Variants in NUP188 observed in about 807,000 individuals in gnomAD.
The protein encoded by NUP188 is nucleoporin 188.
Under a neutral mutation model 223.0 loss-of-function variants are expected in NUP188, and 97 were observed. That is an observed-to-expected ratio of 0.43 (90% CI 0.37 to 0.51). The LOEUF is 0.51. NUP188 is among the 20% of genes least tolerant of loss of function. The pLI is 0.00. For missense variants in NUP188, 1,947 were observed against 2,175.6 expected (o/e 0.89, Z 2.09); for synonymous variants, 869 against 828.0 (o/e 1.05, Z -0.85).
chr9:128,995,566 T>G (rs767868108), intron 30 of NUP188, 52 bp downstream of exon 30: 5 of 1,449,558 alleles, frequency 3.4e-6, no homozygotes, highest in Non-Finnish European at 4.7e-6. Flanking sequence ...CAATGATGTG[T>G]TGACATGAGC....
chr9:128,958,951 T>C, intron 7 of NUP188, 57 bp downstream of exon 7: 1 of 1,404,430 alleles, frequency 7.1e-7, no homozygotes, highest in Non-Finnish European at 9.7e-7. Flanking sequence ...AATAATTTTA[T>C]TAATATTTAT....
At position 128,952,814 on chromosome 9, in the gene NUP188, G is replaced by C; in HGVS notation, c.129G>C (p.Leu43Phe). ...AACTGAATAAACATTGGCGGCGATT[G>C]TTAGAGGGGCTTTCTTACTACAAAC... is the stretch of plus-strand genomic sequence containing the variant. ...EAELNKHWRR[L>F]LEGLSYYKPP... Residue 43 changes from leucine to phenylalanine, a missense_variant, in exon 3 of 44, where the codon TTG becomes TTC. By Grantham distance (22) the Leu-to-Phe change is conservative. Coordinates refer to ENST00000372577, the MANE Select transcript of NUP188 (RefSeq NM_015354.3). 1 of 1,613,782 alleles carries C rather than the reference G, an allele frequency of 6.2e-7. No individual in the cohort carries two copies. Among genetic ancestry groups the C allele is most frequent in the Non-Finnish European group, 8.5e-7 (1 of 1,179,744 alleles).
rs372501729 is a variant in NUP188 at position 128,995,445 on chromosome 9, C to T, written c.3282C>T (p.Cys1094=). 14 of 1,613,616 alleles carry T rather than the reference C, an allele frequency of 8.7e-6. No homozygotes were observed. Among genetic ancestry groups the T allele is most frequent in the Non-Finnish European group, 1.1e-5 (13 of 1,179,816 alleles). ...VHVAETEGSS[C]TSLLEYQMLV... is the part of the protein sequence containing the mutation. Reference sequence around the variant, plus strand: ...TGGCCGAAACAGAAGGCAGCAGCTGCACCTCCTTGTTAGAGTACCAGATGC... The same window carrying T: ...TGGCCGAAACAGAAGGCAGCAGCTGTACCTCCTTGTTAGAGTACCAGATGC... The change falls in exon 30 of 44, where the codon TGC becomes TGT. Residue 1094 remains cysteine, a synonymous_variant. Transcript: ENST00000372577.
intron 12 of NUP188, among the ~76,000 whole-genome samples, chr9:128,978,318 C>A (rs948375899): frequency 6.6e-6 from 1 of 152,062 alleles, no homozygotes; most frequent in African/African-American, 2.4e-5. Context: ...AATCCCAGCA[C>A]TTTGGGAGGC....
intron 24 of NUP188, among the ~76,000 whole-genome samples, chr9:128,988,448 A>G (rs1168686418): frequency 1.3e-5 from 2 of 152,210 alleles, no homozygotes; most frequent in Admixed American, 1.3e-4. Context: ...CAAATTTTGT[A>G]TCCAATCAAC....
intron 16 of NUP188, 28 bp downstream of exon 16, chr9:128,982,729 T>G (rs1842273913): frequency 6.2e-7 from 1 of 1,611,210 alleles, no homozygotes; most frequent in Non-Finnish European, 8.5e-7. Context: ...AAACATCACC[T>G]ACGAGGAGGA....
Position 128,980,620 on chromosome 9 carries a change from C to T in NUP188, c.1284C>T (p.Gly428=). The change falls in exon 14 of 44, where the codon GGC becomes GGT. Residue 428 remains glycine, a synonymous_variant. Transcript: ENST00000372577. The part of the protein sequence containing the change: ...ELFWGTEPTS[G]LGIILDSVCG... ...TTCCACCACAGGAGCCAACTTCTGGCCTTGGGATCATTCTGGACAGTGTGT... is the reference window on the plus strand; with the variant it reads ...TTCCACCACAGGAGCCAACTTCTGGTCTTGGGATCATTCTGGACAGTGTGT... 1 of 1,613,104 alleles carries T rather than the reference C, an allele frequency of 6.2e-7. No homozygotes were observed. The highest frequency in any genetic ancestry group is 8.5e-7 in the Non-Finnish European group (1 of 1,179,476).
rs553163393 is a variant in NUP188, at chr9:128,999,438, T to C, written c.3661+121T>C. 171 of 1,367,010 alleles carry C rather than the reference T, an allele frequency of 1.3e-4. No individual in the cohort carries two copies. The East Asian group carries it at 4.2e-3, about 33-fold the overall frequency. The allele number at this position is 1,367,010 out of a possible 1,614,324, so 84.7% of individuals were successfully genotyped here. Reference sequence around the variant, plus strand: ...TCTGGGACTTTTGAGTTTCCAGTCATGGAATTCTTACCCCAAGAAAGCTAT... The same window carrying C: ...TCTGGGACTTTTGAGTTTCCAGTCACGGAATTCTTACCCCAAGAAAGCTAT... On this transcript the variant is annotated intron_variant, in intron 33 of 43. Coordinates refer to ENST00000372577, the MANE Select transcript of NUP188 (RefSeq NM_015354.3).
chr9:128,986,991 A>G lies in NUP188; in HGVS notation c.2264+116A>G, dbSNP rs1842342249. The G allele has an allele frequency of 3.8e-6, 3 of 797,796 alleles. No homozygotes were observed. The South Asian group carries it at 4.8e-5, about 13-fold the overall frequency. 49.4% of individuals were successfully genotyped at this position (797,796 alleles called of 1,614,324 possible). A position where few individuals can be genotyped will look rare whatever the true frequency, so the allele number is the denominator to read the frequency against. ...TTTACCTTGCTTGAGCCCAGAACTCAGTAATCTTGAGGTTGTTAGTTGCTT... is the reference window on the plus strand; with the variant it reads ...TTTACCTTGCTTGAGCCCAGAACTCGGTAATCTTGAGGTTGTTAGTTGCTT... On this transcript the variant is annotated intron_variant, in intron 22 of 43. Coordinates refer to ENST00000372577, the MANE Select transcript of NUP188 (RefSeq NM_015354.3).
rs1435423535 is a variant in NUP188 at position 129,002,799 on chromosome 9, C to T, written c.4138-18C>T. ...CTCTCAGCAGGGTTCCTGAGCTTGT[C>T]TGCTGTTTGTATCTTAGACACCTAG... On this transcript the variant is annotated intron_variant, in intron 36 of 43. Transcript: ENST00000372577. The T allele has an allele frequency of 6.2e-7, 1 of 1,611,862 alleles. No individual in the cohort carries two copies. The highest frequency in any genetic ancestry group is 1.1e-5 in the South Asian group (1 of 90,776).
At chr9:128,975,692 G>A (rs1160908719) in intron 12 of NUP188, among the ~76,000 whole-genome samples, 1 of 151,498 alleles carries the variant, frequency 6.6e-6, no homozygotes, top group East Asian at 1.9e-4. Context: ...GCGAATTTTT[G>A]TATTTTCAGT....
chr9:129,003,016 T>TA, intron 37 of NUP188, 41 bp downstream of exon 37: 1 of 1,604,908 alleles, frequency 6.2e-7, no homozygotes, highest in African/African-American at 1.3e-5. Flanking sequence ...AGTTTCAGGG[T>TA]AAAAAAGGTA....
intron 19 of NUP188, 65 bp downstream of exon 19, chr9:128,983,615 G>A (rs1156602442): frequency 1.9e-6 from 2 of 1,060,072 alleles, no homozygotes; most frequent in Admixed American, 2.3e-5. Flanking sequence ...CTCAGATCTA[G>A]CCTAGGTTTA....
intron 1 of NUP188, 97 bp downstream of exon 1, chr9:128,947,848 T>A: frequency 8.4e-7 from 1 of 1,192,622 alleles, no homozygotes; most frequent in Non-Finnish European, 1.1e-6. Flanking sequence ...GTGGCGACAG[T>A]GGCAGGGCCA....
At chr9:128,961,578 C>G (rs1456827082) in intron 8 of NUP188, among the ~76,000 whole-genome samples, 1 of 134,650 alleles carries the variant, frequency 7.4e-6, no homozygotes, top group Admixed American at 7.0e-5. Context: ...ATATCTATAT[C>G]TATCTATCTA....
chr9:128,983,400 C>T lies in NUP188; in HGVS notation c.1884+20C>T, dbSNP rs1236322953. On this transcript the variant is annotated intron_variant, in intron 18 of 43. Coordinates refer to ENST00000372577, the MANE Select transcript of NUP188 (RefSeq NM_015354.3). Reference sequence around the variant, plus strand: ...GCAAAGGTGAGATGCCAGATCTTCCCAAGAGCCAAAAATGTAGCACTTGGC... The same window carrying T: ...GCAAAGGTGAGATGCCAGATCTTCCTAAGAGCCAAAAATGTAGCACTTGGC... 7.4e-6 allele frequency: 12 copies of T among 1,613,726 alleles called. No individual in the cohort carries two copies. The highest frequency in any genetic ancestry group is 1.0e-5 in the Non-Finnish European group (12 of 1,179,618).
chr9:129,002,055 C>A, intron 36 of NUP188, 79 bp downstream of exon 36: 1 of 1,170,642 alleles, frequency 8.5e-7, no homozygotes, highest in Non-Finnish European at 1.3e-6. Context: ...CCCTACCTTT[C>A]CCCGGAAGTT....
At chr9:129,001,390 G>A (rs1300156846) in intron 34 of NUP188, 139 bp from the exon 35 acceptor site, 2 of 695,450 alleles carry the variant, frequency 2.9e-6, no homozygotes, top group Non-Finnish European at 5.1e-6. Context: ...GGGAGAGAGT[G>A]TGCATTCTGT....
intron 32 of NUP188, 116 bp downstream of exon 32, chr9:128,998,739 G>T: frequency 1.3e-6 from 1 of 783,040 alleles, no homozygotes; most frequent in Non-Finnish European, 2.2e-6. Flanking sequence ...CCATCTTGAG[G>T]AATGGGAGTG....
Sources: allele counts gnomAD v4.1 joint callset (sites outside exome capture counted in the v4.1 genomes callset), GRCh38; gene constraint gnomAD v4.1.1; transcripts MANE v1.5; gene names NCBI Gene and HGNC (gene_info 2026-07-23, HGNC 2026-07-21).